Variants in WDR45 observed in about 807,000 individuals in gnomAD.
WDR45 encodes WD repeat domain phosphoinositide-interacting protein 4.
WDR45 carries 2 observed loss-of-function variants against 27.3 expected under a neutral mutation model. The observed-to-expected ratio is 0.07, with a 90% CI of 0.03 to 0.23. The LOEUF (loss-of-function observed/expected upper bound fraction) is 0.23. Ranked by LOEUF, WDR45 falls within the 10% of genes least tolerant of loss-of-function variation. WDR45 has a pLI of 1.00. For synonymous variants in WDR45, 99 were observed against 119.2 expected, an observed-to-expected ratio of 0.83 and a Z score of 1.11; for missense variants, 175 against 311.9, an observed-to-expected ratio of 0.56 and a Z score of 3.31.
Position 49,088,684 on chromosome X carries a change from A to G in WDR45, c.-17-10572T>C, listed in dbSNP as rs782525193. The stretch of plus-strand genomic sequence containing the variant: ...TGGCCACACACAACAAAGAATACAC[A>G]CTTTATAGAATTAGTTCAGAAAAGT... On this transcript the variant is annotated intron_variant, in intron 2 of 11. Coordinates refer to the WDR45 transcript ENST00000356463. Among the ~76,000 whole-genome samples the G allele has an allele frequency of 2.7e-5, 3 of 112,044 alleles. No homozygotes were observed. The East Asian group carries it at 8.4e-4, about 31-fold the overall frequency.
intron 4 of WDR45, 57 bp from the exon 5 acceptor site, chrX:49,076,807 G>A: frequency 1.0e-6 from 1 of 1,004,273 alleles, no homozygotes; most frequent in Non-Finnish European, 1.4e-6. Context: ...GGGCAGCCCT[G>A]GTGACACAGG....
At chrX:49,081,269 G>A (rs2065065871), upstream of WDR45, among the ~76,000 whole-genome samples, 3 of 105,669 alleles carry the variant, frequency 2.8e-5, no homozygotes, top group Admixed American at 1.0e-4. Context: ...GGTGGCTCAC[G>A]CCTGTAATCC....
chrX:49,080,799 G>A (rs2065063110), upstream of WDR45, among the ~76,000 whole-genome samples: 4 of 31,957 alleles, frequency 1.3e-4, no homozygotes, highest in Admixed American at 2.2e-3. Flanking sequence ...AGGTATGAAT[G>A]CTTTGGGTTA....
At chrX:49,075,826 G>A (rs782195489) in intron 7 of WDR45, 40 bp downstream of exon 7, 4 of 1,200,380 alleles carry the variant, frequency 3.3e-6, no homozygotes, top group Non-Finnish European at 4.5e-6. Flanking sequence ...AAGGAAGCCA[G>A]TCCACCAACC....
chrX:49,074,782 C>T lies in WDR45; in HGVS notation c.*21G>A. 8.4e-7 allele frequency: 1 copy of T among 1,186,455 alleles called. No homozygotes were observed. Among genetic ancestry groups the T allele is most frequent in the Non-Finnish European group, 1.1e-6 (1 of 873,303 alleles). ...TCTGCAGTTCTGCCACTGCAGGTCC[C>T]TAGCACAGCCCCCAGGGTCCTTAAA... On this transcript the variant is annotated 3_prime_UTR_variant, in exon 11 of 11. Transcript: ENST00000376372.
At chrX:49,076,565 G>A (rs1187415582) in intron 5 of WDR45, 41 bp from the exon 6 acceptor site, 2 of 1,204,182 alleles carry the variant, frequency 1.7e-6, no homozygotes, top group Admixed American at 4.4e-5. Flanking sequence ...TGAGGGGGTG[G>A]CGGGATGCCC....
At chrX:49,086,382 ACCT>A (rs2065086058) in intron 2 of WDR45, among the ~76,000 whole-genome samples, 1 of 110,668 alleles carries the variant, frequency 9.0e-6, no homozygotes, top group Non-Finnish European at 1.9e-5. Context: ...CGAACTCCTG[ACCT>A]CAAGTGATCC....
intron 2 of WDR45, among the ~76,000 whole-genome samples, chrX:49,090,839 CTT>C (rs374589139): frequency 2.9e-5 from 3 of 102,583 alleles, no homozygotes; most frequent in Admixed American, 1.1e-4. Flanking sequence ...TAATCCAGGC[CTT>C]TTTTTTTTTT....
At chrX:49,082,378 T>A (rs1237170724), upstream of WDR45, among the ~76,000 whole-genome samples, 4 of 111,666 alleles carry the variant, frequency 3.6e-5, no homozygotes, top group Non-Finnish European at 5.6e-5. Context: ...AACTGATGGC[T>A]GCCTAGGTTG....
At chrX:49,076,015 G>A in intron 6 of WDR45, 70 bp from the exon 7 acceptor site, 1 of 917,246 alleles carries the variant, frequency 1.1e-6, no homozygotes, top group South Asian at 2.1e-5. Context: ...GGACAGAGCT[G>A]GATGAGGACC....
rs782745423 is a variant in WDR45 at position 49,074,907 on chromosome X, A to C, written c.979T>G (p.Cys327Gly). The C allele has an allele frequency of 8.3e-7, 1 of 1,202,612 alleles. No homozygotes were observed. The highest frequency in any genetic ancestry group is 1.1e-6 in the Non-Finnish European group (1 of 888,054). The change falls in exon 11 of 11, where the codon TGC becomes GGC. Residue 327 changes from cysteine to glycine, a missense_variant. Cys to Gly is a radical substitution (Grantham distance 159). Transcript: ENST00000376372. The stretch of plus-strand genomic sequence containing the variant: ...TATTTGTGGAAGGTCCCATCTACGC[A>C]GATGGCTGGGGGAGGGGGGGTGGTA... ...SKNVNSVIAI[C>G]VDGTFHKYVF...
chrX:49,080,465 CAG>C (rs1397563081), upstream of WDR45: 2 of 112,185 alleles, frequency 1.8e-5, no homozygotes, highest in East Asian at 2.8e-4. Flanking sequence ...TTTTCTGAGA[CAG>C]AGTCTCGCTC....
At chrX:49,091,423 A>G (rs2147826295) in intron 2 of WDR45, among the ~76,000 whole-genome samples, 1 of 109,714 alleles carries the variant, frequency 9.1e-6, no homozygotes, top group South Asian at 4.0e-4. Flanking sequence ...CCTGGGCGAC[A>G]GAGCGAGACT....
chrX:49,097,519 G>C (rs1340689111), intron 2 of WDR45, among the ~76,000 whole-genome samples: 1 of 109,589 alleles, frequency 9.1e-6, no homozygotes, highest in Non-Finnish European at 1.9e-5. Context: ...GTAGAGATGG[G>C]GTTTCACAAT....
upstream of WDR45, among the ~76,000 whole-genome samples, chrX:49,084,412 G>T (rs1351127257): frequency 9.3e-6 from 1 of 107,857 alleles, no homozygotes; most frequent in Non-Finnish European, 1.9e-5. Flanking sequence ...ATCATGGGCT[G>T]GGCATGGTGG....
chrX:49,083,303 C>G (rs372490444), upstream of WDR45, among the ~76,000 whole-genome samples: 2 of 106,335 alleles, frequency 1.9e-5, no homozygotes, highest in Admixed American at 2.0e-4. Context: ...TGAGCTACCA[C>G]GCCCGGCCTC....
Position 49,075,248 on chromosome X carries a change from A to G in WDR45, c.861T>C (p.Ile287=). The G allele has an allele frequency of 2.5e-6, 3 of 1,211,616 alleles. No homozygotes were observed. The highest frequency in any genetic ancestry group is 3.4e-6 in the Non-Finnish European group (3 of 895,278). Residue 287 remains isoleucine (I), a synonymous_variant, in exon 10 of 11, where the codon ATT becomes ATC. Transcript: ENST00000376372. ...TCCACTGAGAGTCCACGTACTGCCCAATCATAGGCCCCACCTTGCCCACGC... is the reference window on the plus strand; with the variant it reads ...TCCACTGAGAGTCCACGTACTGCCCGATCATAGGCCCCACCTTGCCCACGC... ...LARVGKVGPM[I]GQYVDSQWSL... is the part of the protein sequence containing the mutation.
chrX:49,081,070 C>A (rs2065065026), upstream of WDR45, among the ~76,000 whole-genome samples: 1 of 107,105 alleles, frequency 9.3e-6, no homozygotes, highest in Non-Finnish European at 1.9e-5. Context: ...CCACGCCCAG[C>A]TAATTTTGTA....
chrX:49,094,157 G>A (rs1557086990), intron 2 of WDR45, among the ~76,000 whole-genome samples: 2 of 110,908 alleles, frequency 1.8e-5, no homozygotes, highest in African/African-American at 6.6e-5. Flanking sequence ...CCTCTATAAG[G>A]AGGCAATGTG....
Sources: allele counts gnomAD v4.1 joint callset (sites outside exome capture counted in the v4.1 genomes callset), GRCh38; gene constraint gnomAD v4.1.1; transcripts MANE v1.5; gene names NCBI Gene and HGNC (gene_info 2026-07-23, HGNC 2026-07-21).